The following MEIS2 variants were observed in gnomAD, a reference collection of about 807,000 sequenced individuals.
MEIS2 encodes homeobox protein Meis2.
MEIS2 carries 9 observed loss-of-function variants against 58.6 expected under a neutral mutation model. That is an observed-to-expected ratio of 0.15 (90% CI 0.09 to 0.27). The LOEUF (loss-of-function observed/expected upper bound fraction) is 0.27. Ranked by LOEUF, MEIS2 falls within the 10% of genes least tolerant of loss-of-function variation. The pLI, the probability that MEIS2 is intolerant of heterozygous loss-of-function variation, is 1.00. For missense variants in MEIS2, 427 were observed against 635.0 expected (o/e 0.67, Z 3.52); for synonymous variants, 221 against 228.4 (o/e 0.97, Z 0.29).
chr15:36,938,167 C>T (rs997300947), intron 9 of MEIS2, among the ~76,000 whole-genome samples: 1 of 152,122 alleles, frequency 6.6e-6, no homozygotes, highest in African/African-American at 2.4e-5. Context: ...GACCCAAGCT[C>T]CTCCAAGCAC....
chr15:36,961,401 C>T (rs565282192), intron 8 of MEIS2, among the ~76,000 whole-genome samples: 2 of 152,122 alleles, frequency 1.3e-5, no homozygotes, highest in South Asian at 2.1e-4. Flanking sequence ...AACATTCACT[C>T]GTTCAAGACA....
At chr15:36,994,151 C>A (rs577828374) in intron 8 of MEIS2, among the ~76,000 whole-genome samples, 1 of 152,152 alleles carries the variant, frequency 6.6e-6, no homozygotes, top group African/African-American at 2.4e-5. Context: ...AAAATACTGT[C>A]AACGATTCTG....
chr15:36,932,193 T>C (rs1469829380), intron 9 of MEIS2, among the ~76,000 whole-genome samples: 2 of 152,220 alleles, frequency 1.3e-5, no homozygotes, highest in African/African-American at 4.8e-5. Flanking sequence ...TTTGCTAAAA[T>C]TGATGTGCTG....
At chr15:37,063,441 C>G (rs1199718187) in intron 7 of MEIS2, among the ~76,000 whole-genome samples, 2 of 152,178 alleles carry the variant, frequency 1.3e-5, no homozygotes, top group African/African-American at 4.8e-5. Flanking sequence ...CTTAGCCCCA[C>G]CACTTTCTAG....
At chr15:37,014,736 TGTCACTAG>T (rs2061285076) in intron 8 of MEIS2, among the ~76,000 whole-genome samples, 1 of 152,122 alleles carries the variant, frequency 6.6e-6, no homozygotes, top group African/African-American at 2.4e-5. Context: ...CGTCTCCAAC[TGTCACTAG>T]GTAACACTCA....
intron 7 of MEIS2, among the ~76,000 whole-genome samples, chr15:37,051,524 G>C (rs917976295): frequency 1.1e-4 from 17 of 152,202 alleles, no homozygotes; most frequent in African/African-American, 4.1e-4. Context: ...GAATCGTGTA[G>C]TATCTTGATT....
In MEIS2 at chr15:37,057,712, C is replaced by CT. The variant is rs550091470; in HGVS notation, c.755-20754dup. ...TCAAGGCTTTACTAGGCTTTTTTGT[C>CT]TTTTTTCCCCCCGGTAGAGTTTGTG... On this transcript the variant is annotated intron_variant, in intron 7 of 11. Coordinates refer to ENST00000561208, the MANE Select transcript of MEIS2 (RefSeq NM_170675.5). Among the ~76,000 whole-genome samples the CT allele has an allele frequency of 4.0e-5, 6 of 151,772 alleles. No individual in the cohort carries two copies. The South Asian group carries it at 1.0e-3, about 26-fold the overall frequency.
intron 9 of MEIS2, among the ~76,000 whole-genome samples, chr15:36,899,760 G>A (rs716218): frequency 0.31 from 47,736 of 152,020 alleles, 7,895 homozygotes; most frequent in Middle Eastern, 0.39. Context: ...GACTCAAAAG[G>A]TTCCATGGAT....
At chr15:37,047,760 A>G (rs868433374) in intron 7 of MEIS2, among the ~76,000 whole-genome samples, 1 of 152,222 alleles carries the variant, frequency 6.6e-6, no homozygotes, top group Admixed American at 6.5e-5. Context: ...GTGTCTTCCC[A>G]ATTTCACTTA....
chr15:37,064,475 C>T (rs1889662095), intron 7 of MEIS2, among the ~76,000 whole-genome samples: 1 of 152,002 alleles, frequency 6.6e-6, no homozygotes, highest in African/African-American at 2.4e-5. Flanking sequence ...ATAATATTAG[C>T]AATCCTTACA....
At chr15:36,979,660 C>T (rs1226976885) in intron 8 of MEIS2, among the ~76,000 whole-genome samples, 5 of 148,666 alleles carry the variant, frequency 3.4e-5, no homozygotes, top group Non-Finnish European at 5.9e-5. Context: ...ATTAAAATTA[C>T]ACTTTGCATA....
intron 8 of MEIS2, among the ~76,000 whole-genome samples, chr15:37,001,901 G>A (rs998159122): frequency 3.2e-4 from 49 of 152,136 alleles, no homozygotes; most frequent in African/African-American, 1.2e-3. Flanking sequence ...TTTGCCATAC[G>A]TGCCACAAAC....
chr15:36,903,927 C>G (rs1314899846), intron 9 of MEIS2: 1 of 152,202 alleles, frequency 6.6e-6, no homozygotes, highest in South Asian at 2.1e-4. Context: ...TTGAAGAGAT[C>G]AAGGTGCACT....
At chr15:37,069,258 ACT>A (rs1432923861) in intron 7 of MEIS2, among the ~76,000 whole-genome samples, 3 of 152,042 alleles carry the variant, frequency 2.0e-5, no homozygotes, top group Non-Finnish European at 4.4e-5. Context: ...TTCTGTTTCT[ACT>A]CTCAGTTTTT....
chr15:37,017,179 C>T (rs1023556265), intron 8 of MEIS2, among the ~76,000 whole-genome samples: 22 of 152,132 alleles, frequency 1.4e-4, no homozygotes, highest in African/African-American at 5.1e-4. Flanking sequence ...ATTGTTTGAA[C>T]ATCAAACACG....
At chr15:36,926,600 T>C (rs1164979094) in intron 9 of MEIS2, among the ~76,000 whole-genome samples, 1 of 152,208 alleles carries the variant, frequency 6.6e-6, no homozygotes, top group African/African-American at 2.4e-5. Context: ...TGCAAGACAA[T>C]GGGGAAATAA....
intron 7 of MEIS2, among the ~76,000 whole-genome samples, chr15:37,082,257 G>T (rs959040366): frequency 1.3e-5 from 2 of 152,192 alleles, no homozygotes; most frequent in Non-Finnish European, 2.9e-5. Flanking sequence ...AAAGCGAAAG[G>T]TCAAAGTGAG....
chr15:37,031,170 G>T (rs2061905334), intron 8 of MEIS2, among the ~76,000 whole-genome samples: 1 of 152,116 alleles, frequency 6.6e-6, no homozygotes, highest in Admixed American at 6.6e-5. Flanking sequence ...TTACCAGGTG[G>T]AACTAGAATT....
intron 6 of MEIS2, among the ~76,000 whole-genome samples, chr15:37,086,148 C>T (rs1892854295): frequency 6.6e-6 from 1 of 152,160 alleles, no homozygotes; most frequent in Non-Finnish European, 1.5e-5. Context: ...CTCCTTACCC[C>T]TCATGAAAAT....
Sources: gnomAD v4.1 joint callset for allele counts (sites outside exome capture counted in the v4.1 genomes callset) on GRCh38, gnomAD v4.1.1 for gene constraint, MANE v1.5 for transcripts, NCBI Gene and HGNC (gene_info 2026-07-23, HGNC 2026-07-21) for gene names.